The following SLCO3A1 variants were observed in gnomAD, a reference collection of about 807,000 sequenced individuals.
The protein encoded by SLCO3A1 is PGE1 transporter.
SLCO3A1 carries 27 observed loss-of-function variants against 63.1 expected under a neutral mutation model. That is an observed-to-expected ratio of 0.43 (90% CI 0.32 to 0.59). The LOEUF (loss-of-function observed/expected upper bound fraction) is 0.59. Among genes scored for constraint, SLCO3A1 ranks in the 20% least tolerant of loss-of-function variants. The pLI, the probability that SLCO3A1 is intolerant of heterozygous loss-of-function variation, is 0.09. For synonymous variants in SLCO3A1, 473 were observed against 409.9 expected (o/e 1.15, Z -1.86); for missense variants, 773 against 945.8 (o/e 0.82, Z 2.40).
chr15:92,078,758 G>A (rs917559199), intron 2 of SLCO3A1, among the ~76,000 whole-genome samples: 4 of 152,148 alleles, frequency 2.6e-5, no homozygotes, highest in African/African-American at 9.7e-5. Context: ...GTTAAAATGG[G>A]AGTGTATCTG....
chr15:91,929,185 C>A (rs1161424918), intron 2 of SLCO3A1, among the ~76,000 whole-genome samples: 3 of 152,166 alleles, frequency 2.0e-5, no homozygotes, highest in Non-Finnish European at 4.4e-5. Flanking sequence ...TGTCCACATA[C>A]ATGAACTGTG....
At chr15:91,987,789 A>C (rs1031535319) in intron 2 of SLCO3A1, among the ~76,000 whole-genome samples, 2 of 151,980 alleles carry the variant, frequency 1.3e-5, no homozygotes, top group Non-Finnish European at 2.9e-5. Flanking sequence ...TCGCAGCTCA[A>C]ATGACATTCT....
At chr15:91,979,388 G>A (rs1049860322) in intron 2 of SLCO3A1, among the ~76,000 whole-genome samples, 1 of 152,180 alleles carries the variant, frequency 6.6e-6, no homozygotes, top group Non-Finnish European at 1.5e-5. Context: ...AACTCATCAC[G>A]TGAGGTGAAG....
At chr15:91,971,467 G>A (rs978477287) in intron 2 of SLCO3A1, among the ~76,000 whole-genome samples, 1 of 144,784 alleles carries the variant, frequency 6.9e-6, no homozygotes, top group African/African-American at 2.6e-5. Context: ...CCTTTTTGTT[G>A]TCTATTTGAT....
At position 91,954,255 on chromosome 15, in the gene SLCO3A1, G is replaced by T. The variant is rs1177515531; in HGVS notation, c.646+37797G>T. On this transcript the variant is annotated intron_variant, in intron 2 of 9. Coordinates refer to ENST00000318445, the MANE Select transcript of SLCO3A1 (RefSeq NM_013272.4). This position sits in a 1 kb window ranked among gnomAD's most constrained non-coding sequence, Gnocchi z 4.7. ...TTCCATTGGATTAGAAGCTGTGCGG[G>T]TGCCCCTACGTTCTCACTTGTCTCT... 6.6e-6 allele frequency among the ~76,000 whole-genome samples: 1 copy of T among 152,158 alleles called. No individual in the cohort carries two copies. The highest frequency in any genetic ancestry group is 1.5e-5 in the Non-Finnish European group (1 of 68,028).
chr15:91,956,109 C>A (rs1460334942), intron 2 of SLCO3A1, among the ~76,000 whole-genome samples: 1 of 152,040 alleles, frequency 6.6e-6, no homozygotes, highest in Non-Finnish European at 1.5e-5. Flanking sequence ...TGGGCGTGCA[C>A]TGGGGTCAGA....
intron 2 of SLCO3A1, among the ~76,000 whole-genome samples, chr15:91,985,897 T>G (rs941181271): frequency 6.6e-6 from 1 of 152,152 alleles, no homozygotes; most frequent in African/African-American, 2.4e-5. Context: ...CTTCCTAGTC[T>G]ACGTGTAGGT....
At chr15:92,153,554 T>C (rs1285033900) in intron 9 of SLCO3A1, 1 of 152,228 alleles carries the variant, frequency 6.6e-6, no homozygotes, top group African/African-American at 2.4e-5. Context: ...AGACATCAGA[T>C]CCTGTGACAT....
intron 1 of SLCO3A1, among the ~76,000 whole-genome samples, chr15:91,884,927 C>T (rs1897686751): frequency 6.6e-6 from 1 of 152,066 alleles, no homozygotes; most frequent in African/African-American, 2.4e-5. Context: ...AGTGTCTATC[C>T]TAAAAACAGC....
intron 2 of SLCO3A1, among the ~76,000 whole-genome samples, chr15:91,940,144 A>G (rs562892059): frequency 2.4e-4 from 37 of 151,928 alleles, no homozygotes; most frequent in Non-Finnish European, 4.4e-4. Context: ...CTCCTCTCCT[A>G]GCATCACATC....
chr15:91,941,963 C>T lies in SLCO3A1; in HGVS notation c.646+25505C>T, dbSNP rs554892824. ...CAGCGTACTGGCTGAGGACTGCCTG[C>T]CTTTGAGCTAGGTCTTACCCATCCA... On this transcript the variant is annotated intron_variant, in intron 2 of 9. Coordinates refer to ENST00000318445, the MANE Select transcript of SLCO3A1 (RefSeq NM_013272.4). The surrounding 1 kb of genome is among the most constrained non-coding windows in gnomAD (Gnocchi z 4.4). 6.6e-6 allele frequency among the ~76,000 whole-genome samples: 1 copy of T among 152,254 alleles called. No individual in the cohort carries two copies. The highest frequency in any genetic ancestry group is 2.1e-4 in the South Asian group (1 of 4,818).
At chr15:92,166,437 A>G (rs778804274), downstream of SLCO3A1, among the ~76,000 whole-genome samples, 2 of 152,164 alleles carry the variant, frequency 1.3e-5, no homozygotes, top group Non-Finnish European at 2.9e-5. Flanking sequence ...CCTTCTCACC[A>G]TCTGATCATG....
chr15:91,934,561 T>C (rs148130636), intron 2 of SLCO3A1, among the ~76,000 whole-genome samples: 59 of 152,360 alleles, frequency 3.9e-4, no homozygotes, highest in African/African-American at 1.1e-3. Flanking sequence ...CCAGGTTTTG[T>C]CATTCTCAAA....
At chr15:92,054,607 C>CA (rs2047000048) in intron 2 of SLCO3A1, among the ~76,000 whole-genome samples, 1 of 152,052 alleles carries the variant, frequency 6.6e-6, no homozygotes, top group African/African-American at 2.4e-5. Context: ...TCCCTCCACC[C>CA]ACCCCCGCCC....
intron 2 of SLCO3A1, among the ~76,000 whole-genome samples, chr15:91,944,356 A>G (rs1899728478): frequency 1.3e-5 from 2 of 152,258 alleles, no homozygotes; most frequent in Admixed American, 1.3e-4. Flanking sequence ...CAAGACAGAC[A>G]TGGCCAAGGG....
intron 1 of SLCO3A1, among the ~76,000 whole-genome samples, chr15:91,879,347 G>A (rs959127465): frequency 2.7e-5 from 4 of 150,320 alleles, no homozygotes; most frequent in Non-Finnish European, 4.4e-5. Context: ...CTACTTTGAA[G>A]CACATTAGTT....
At chr15:92,080,608 A>T (rs997742890) in intron 2 of SLCO3A1, among the ~76,000 whole-genome samples, 1 of 152,300 alleles carries the variant, frequency 6.6e-6, no homozygotes, top group South Asian at 2.1e-4. Context: ...GAAGACCAGC[A>T]TAAGCAAGGC....
rs745519990 is a variant in SLCO3A1, at chr15:92,163,889, G to T, written c.*754G>T. 2.0e-6 allele frequency: 2 copies of T among 985,502 alleles called. No individual in the cohort carries two copies. The highest frequency in any genetic ancestry group is 6.1e-5 in the Admixed American group (1 of 16,266). The allele number at this position is 985,502 out of a possible 1,614,324, so 61.0% of individuals were successfully genotyped here. The stretch of plus-strand genomic sequence containing the variant: ...TGGGGGGCCAGCACCTCCCAGTGGC[G>T]GGCATCCACCTTCCCCCAGCCCCAC... On this transcript the variant is annotated 3_prime_UTR_variant, in exon 10 of 10. Coordinates refer to ENST00000318445, the MANE Select transcript of SLCO3A1 (RefSeq NM_013272.4).
At chr15:91,938,685 TGCCCACGATCACCCA>T (rs958549800) in intron 2 of SLCO3A1, among the ~76,000 whole-genome samples, 13 of 152,182 alleles carry the variant, frequency 8.5e-5, no homozygotes, top group Non-Finnish European at 5.9e-5. Flanking sequence ...GAGATTAACT[TGCCCACGATCACCCA>T]GCTAGTGTGT....
Sources: gnomAD v4.1 joint callset for allele counts (sites outside exome capture counted in the v4.1 genomes callset) on GRCh38, gnomAD v4.1.1 for gene constraint, Gnocchi (gnomAD v3.1) non-coding constraint, MANE v1.5 for transcripts, NCBI Gene and HGNC (gene_info 2026-07-23, HGNC 2026-07-21) for gene names.